Variants in LRRIQ1 observed in about 807,000 individuals in gnomAD.
LRRIQ1 encodes the protein leucine-rich repeat- and IQ domain-containing protein 1.
A neutral mutation model predicts 211.9 loss-of-function variants in LRRIQ1; 210 were observed. That is an observed-to-expected ratio of 0.99 (90% CI 0.89 to 1.11). The LOEUF (loss-of-function observed/expected upper bound fraction) is 1.11, where lower values mean the gene tolerates loss of function less well. LRRIQ1 is among the 50% of genes most tolerant of loss of function. The probability of loss-of-function intolerance (pLI) is 0.00; values close to 1 mark genes in which losing one functional copy is unlikely to be tolerated. For synonymous variants in LRRIQ1, 699 were observed against 650.1 expected, an observed-to-expected ratio of 1.08 and a Z score of -1.14; for missense variants, 2,136 against 1,939.5, an observed-to-expected ratio of 1.10 and a Z score of -1.90.
intron 8 of LRRIQ1, among the ~76,000 whole-genome samples, chr12:85,058,861 AGCAGTGTTCTAAAGG>A (rs1302136869): frequency 6.6e-6 from 1 of 152,004 alleles, no homozygotes; most frequent in Non-Finnish European, 1.5e-5. Flanking sequence ...TAATCTGAGT[AGCAGTGTTCTAAAGG>A]GCACCATAAT....
At chr12:85,213,434 T>A (rs1468855994) in intron 24 of LRRIQ1, among the ~76,000 whole-genome samples, 2 of 152,012 alleles carry the variant, frequency 1.3e-5, no homozygotes, top group African/African-American at 4.8e-5. Flanking sequence ...GCATGTGACA[T>A]CTATACTCAA....
chr12:85,059,308 T>G (rs1355609648), intron 8 of LRRIQ1, among the ~76,000 whole-genome samples: 1 of 152,062 alleles, frequency 6.6e-6, no homozygotes, highest in Non-Finnish European at 1.5e-5. Context: ...TTGTTCATAC[T>G]TCTTTACACA....
chr12:85,158,629 G>A (rs1322961506), intron 23 of LRRIQ1, among the ~76,000 whole-genome samples: 1 of 151,818 alleles, frequency 6.6e-6, no homozygotes, highest in East Asian at 1.9e-4. Flanking sequence ...GCATAATAGG[G>A]ACATGGTTAC....
At chr12:85,075,498 A>C (rs1883547206) in intron 11 of LRRIQ1, among the ~76,000 whole-genome samples, 1 of 152,022 alleles carries the variant, frequency 6.6e-6, no homozygotes, top group African/African-American at 2.4e-5. Flanking sequence ...TGCAAGCAAA[A>C]GCAGGAGCAA....
intron 24 of LRRIQ1, among the ~76,000 whole-genome samples, chr12:85,163,432 C>A (rs1366377748): frequency 6.6e-6 from 1 of 152,148 alleles, no homozygotes; most frequent in Non-Finnish European, 1.5e-5. Context: ...TATCTCAGCA[C>A]AATGGTATGC....
At chr12:85,061,190 G>A (rs1224423825) in intron 8 of LRRIQ1, among the ~76,000 whole-genome samples, 1 of 151,640 alleles carries the variant, frequency 6.6e-6, no homozygotes, top group Non-Finnish European at 1.5e-5. Flanking sequence ...TCCAATTGCT[G>A]TTTTTCTAGT....
chr12:85,247,950 C>A (rs1895779301), downstream of LRRIQ1, among the ~76,000 whole-genome samples: 1 of 151,594 alleles, frequency 6.6e-6, no homozygotes, highest in Admixed American at 6.6e-5. Flanking sequence ...ATCTAAATTT[C>A]TAATCTTTCT....
chr12:85,198,573 ATT>A (rs33992762), intron 24 of LRRIQ1, among the ~76,000 whole-genome samples: 2 of 147,042 alleles, frequency 1.4e-5, no homozygotes, highest in Non-Finnish European at 1.5e-5. Flanking sequence ...CATGTTAAGC[ATT>A]TTTTTTTTTT....
intron 24 of LRRIQ1, among the ~76,000 whole-genome samples, chr12:85,172,035 C>T (rs557480721): frequency 1.2e-4 from 19 of 152,296 alleles, no homozygotes; most frequent in African/African-American, 4.1e-4. Context: ...TCTAGCAAAA[C>T]TTCTTACATC....
At chr12:85,130,122 A>G (rs1377531427) in intron 18 of LRRIQ1, among the ~76,000 whole-genome samples, 3 of 152,222 alleles carry the variant, frequency 2.0e-5, no homozygotes, top group Admixed American at 6.5e-5. Context: ...TATTAAAGAC[A>G]TAGCTTTCAA....
intron 24 of LRRIQ1, among the ~76,000 whole-genome samples, chr12:85,182,684 G>T (rs1474046625): frequency 6.6e-6 from 1 of 152,018 alleles, no homozygotes; most frequent in Admixed American, 6.6e-5. Context: ...GGAATTAATG[G>T]CTCTCCACCA....
At chr12:85,061,020 G>A (rs1442636256) in intron 8 of LRRIQ1, among the ~76,000 whole-genome samples, 1 of 151,810 alleles carries the variant, frequency 6.6e-6, no homozygotes, top group African/African-American at 2.4e-5. Context: ...CAAGTCATGA[G>A]AGTCTGAAAG....
intron 18 of LRRIQ1, 58 bp downstream of exon 18, chr12:85,128,091 A>G: frequency 8.0e-7 from 1 of 1,245,026 alleles, no homozygotes; most frequent in Non-Finnish European, 1.2e-6. Flanking sequence ...GTCTTTCATG[A>G]TTTATTCTGT....
At chr12:85,262,980 C>T in exon 2 of LRRIQ1, 1 of 986,882 alleles carries the variant, frequency 1.0e-6, no homozygotes, top group Non-Finnish European at 1.2e-6. Context: ...TAAAAAAGAA[C>T]GTATATCATT....
chr12:85,250,199 C>T (rs997196383), intron 1 of LRRIQ1, among the ~76,000 whole-genome samples: 40 of 151,550 alleles, frequency 2.6e-4, no homozygotes, highest in African/African-American at 9.7e-4. Flanking sequence ...TTTCTTGCTC[C>T]GTAGTAAGAG....
chr12:85,199,244 A>G (rs1177665402), intron 24 of LRRIQ1, among the ~76,000 whole-genome samples: 9 of 151,958 alleles, frequency 5.9e-5, no homozygotes, highest in Admixed American at 2.0e-4. Context: ...TTATAGTTTT[A>G]TGTTTTACAT....
chr12:85,162,896 G>A, intron 24 of LRRIQ1: 1 of 400,276 alleles, frequency 2.5e-6, no homozygotes, highest in East Asian at 7.6e-5. Context: ...GTTTGTTTAG[G>A]AATAGGCTTG....
At chr12:85,182,406 A>G (rs890755818) in intron 24 of LRRIQ1, among the ~76,000 whole-genome samples, 1 of 152,162 alleles carries the variant, frequency 6.6e-6, no homozygotes, top group Non-Finnish European at 1.5e-5. Context: ...ATTAACTAAA[A>G]TTATGTGTGC....
At chr12:85,234,720 G>A (rs1388698680) in intron 26 of LRRIQ1, among the ~76,000 whole-genome samples, 1 of 152,106 alleles carries the variant, frequency 6.6e-6, no homozygotes, top group Non-Finnish European at 1.5e-5. Context: ...AAAAACCACT[G>A]CAACTGTTAC....
Sources: gnomAD v4.1 joint callset for allele counts (sites outside exome capture counted in the v4.1 genomes callset) on GRCh38, gnomAD v4.1.1 for gene constraint, MANE v1.5 for transcripts, NCBI Gene and HGNC (gene_info 2026-07-23, HGNC 2026-07-21) for gene names.